Variants in NDUFAF7 observed in about 807,000 individuals in gnomAD.
NDUFAF7 encodes NADH:ubiquinone oxidoreductase complex assembly factor 7, also known as protein arginine methyltransferase NDUFAF7, mitochondrial.
NDUFAF7 carries 48 observed loss-of-function variants against 47.2 expected under a neutral mutation model. The observed-to-expected ratio is 1.02, with a 90% CI of 0.81 to 1.29. NDUFAF7 has a LOEUF of 1.29. Among genes scored for constraint, NDUFAF7 ranks in the 50% most tolerant of loss-of-function variants. NDUFAF7 has a pLI of 0.00. For missense variants in NDUFAF7, 635 were observed against 537.6 expected, an observed-to-expected ratio of 1.18 and a Z score of -1.79; for synonymous variants, 217 against 190.0, an observed-to-expected ratio of 1.14 and a Z score of -1.17.
the NDUFAF7 span, among the ~76,000 whole-genome samples, chr2:37,271,307 C>T: frequency 6.6e-6 from 1 of 151,840 alleles, no homozygotes; most frequent in East Asian, 1.9e-4. Flanking sequence ...TGTATGGCCC[C>T]GATCTAAAAA....
At chr2:37,259,958 A>C in the NDUFAF7 span, among the ~76,000 whole-genome samples, 1 of 152,194 alleles carries the variant, frequency 6.6e-6, no homozygotes, top group African/African-American at 2.4e-5. Flanking sequence ...TGAGGCAAGG[A>C]GTTCGAGACC....
At chr2:37,269,775 A>G in the NDUFAF7 span, 1 of 904,030 alleles carries the variant, frequency 1.1e-6, no homozygotes, top group African/African-American at 1.7e-5. Context: ...ATACTTCAAT[A>G]CATTTTTATG....
downstream of NDUFAF7, among the ~76,000 whole-genome samples, chr2:37,253,898 A>T (rs559542783): frequency 6.6e-6 from 1 of 152,332 alleles, no homozygotes; most frequent in East Asian, 1.9e-4. Context: ...GCAAAAATAA[A>T]TCCTTCAGTA....
chr2:37,266,382 A>G, the NDUFAF7 span, among the ~76,000 whole-genome samples: 2 of 152,034 alleles, frequency 1.3e-5, no homozygotes, highest in Non-Finnish European at 2.9e-5. Context: ...CTGGAGTGCA[A>G]TGGCATGATC....
downstream of NDUFAF7, among the ~76,000 whole-genome samples, chr2:37,253,908 A>G (rs941686122): frequency 2.0e-5 from 3 of 152,232 alleles, no homozygotes; most frequent in African/African-American, 7.2e-5. Context: ...ATCCTTCAGT[A>G]GACATTTAAA....
downstream of NDUFAF7, chr2:37,252,957 G>C (rs1667631925): frequency 5.2e-6 from 2 of 383,142 alleles, no homozygotes; most frequent in African/African-American, 2.1e-5. Flanking sequence ...GGCTAAAAAA[G>C]TTTATAAAAA....
At chr2:37,256,822 T>C (rs371696914), downstream of NDUFAF7, 16 of 1,613,948 alleles carry the variant, frequency 9.9e-6, no homozygotes, top group African/African-American at 2.1e-4. Context: ...GGTTGTAACC[T>C]TTGCTCCGGA....
rs568923422 is a variant in NDUFAF7, at chr2:37,237,007, A to T, written c.298-750A>T. ...TTTTTTGAGCCAGGGTTTTGCTCTT[A>T]TTGCCCAGGCTGGAGTGTAGTGGCG... On this transcript the variant is annotated intron_variant, in intron 3 of 9. Transcript: ENST00000002125. 2.6e-5 allele frequency among the ~76,000 whole-genome samples: 4 copies of T among 152,162 alleles called. No individual in the cohort carries two copies. In the East Asian group the frequency reaches 5.8e-4, roughly 22 times the overall value.
downstream of NDUFAF7, among the ~76,000 whole-genome samples, chr2:37,257,273 CCAT>C (rs1333372095): frequency 2.6e-5 from 4 of 152,138 alleles, no homozygotes; most frequent in Non-Finnish European, 5.9e-5. Context: ...GATCACTCTT[CCAT>C]CATCTGTGAG....
chr2:37,254,080 C>G, downstream of NDUFAF7: 1 of 698,746 alleles, frequency 1.4e-6, no homozygotes, highest in East Asian at 2.7e-5. Flanking sequence ...AGCCATAGTA[C>G]AAATTAATCA....
chr2:37,260,755 C>CT, the NDUFAF7 span, among the ~76,000 whole-genome samples: 1 of 152,296 alleles, frequency 6.6e-6, no homozygotes, highest in East Asian at 1.9e-4. Context: ...ACCTTTGACT[C>CT]TTGGGGGCTG....
chr2:37,240,161 T>C (rs1453230184), intron 4 of NDUFAF7, among the ~76,000 whole-genome samples: 1 of 152,222 alleles, frequency 6.6e-6, no homozygotes, highest in Admixed American at 6.5e-5. Flanking sequence ...CTGGGCGCAG[T>C]GGCCCATGCC....
chr2:37,240,089 C>T (rs1162768173), intron 4 of NDUFAF7, among the ~76,000 whole-genome samples: 1 of 152,108 alleles, frequency 6.6e-6, no homozygotes, highest in Non-Finnish European at 1.5e-5. Flanking sequence ...TTTTGGAACT[C>T]ATTAGTGTTT....
intron 6 of NDUFAF7, 89 bp from the exon 7 acceptor site, chr2:37,243,774 T>G: frequency 1.1e-6 from 1 of 879,128 alleles, no homozygotes; most frequent in South Asian, 1.4e-5. Context: ...TAGTTACTTA[T>G]GGTAAGAGGA....
At chr2:37,238,977 A>C (rs1333508694) in intron 4 of NDUFAF7, among the ~76,000 whole-genome samples, 2 of 152,030 alleles carry the variant, frequency 1.3e-5, no homozygotes, top group Non-Finnish European at 2.9e-5. Flanking sequence ...ATGAGATACT[A>C]CTGTAACCCT....
chr2:37,253,138 A>G (rs1272891328), downstream of NDUFAF7: 1 of 1,541,966 alleles, frequency 6.5e-7, no homozygotes. Flanking sequence ...ATATCAGTCC[A>G]TAAAATGAAA....
intron 2 of NDUFAF7, among the ~76,000 whole-genome samples, chr2:37,233,938 C>T (rs1205383591): frequency 6.6e-6 from 1 of 152,192 alleles, no homozygotes; most frequent in Non-Finnish European, 1.5e-5. Context: ...CAACTAGTAG[C>T]ATCAGCAATA....
At chr2:37,270,221 C>A in the NDUFAF7 span, among the ~76,000 whole-genome samples, 5 of 151,196 alleles carry the variant, frequency 3.3e-5, no homozygotes, top group Non-Finnish European at 1.5e-5. Flanking sequence ...GAGCGAGACT[C>A]CATCTCAAGA....
Position 37,246,038 on chromosome 2 carries a change from G to T in NDUFAF7, c.793-14G>T. On this transcript the variant is annotated splice_polypyrimidine_tract_variant and intron_variant, in intron 7 of 9. Transcript: ENST00000002125. ...AATGATGCATTTTGACTCTTGCAAT[G>T]ATCCCTTTACTAGCATGACGAAACA... The T allele has an allele frequency of 6.2e-7, 1 of 1,613,370 alleles. No homozygotes were observed. The highest frequency in any genetic ancestry group is 8.5e-7 in the Non-Finnish European group (1 of 1,179,612).
Sources: allele counts gnomAD v4.1 joint callset (sites outside exome capture counted in the v4.1 genomes callset), GRCh38; gene constraint gnomAD v4.1.1; transcripts MANE v1.5; gene names NCBI Gene and HGNC (gene_info 2026-07-23, HGNC 2026-07-21).